Variants in SOX5 observed in about 807,000 individuals in gnomAD.
SOX5 encodes the protein transcription factor SOX-5.
Under a neutral mutation model 92.0 loss-of-function variants are expected in SOX5, and 9 were observed. The observed-to-expected ratio is 0.10, with a 90% CI of 0.06 to 0.17. The LOEUF (loss-of-function observed/expected upper bound fraction) is 0.17, where lower values mean the gene tolerates loss of function less well. Among genes scored for constraint, SOX5 ranks in the 10% least tolerant of loss-of-function variants. The pLI is 1.00. For synonymous variants in SOX5, 344 were observed against 336.3 expected (o/e 1.02, Z -0.25); for missense variants, 642 against 944.5 (o/e 0.68, Z 4.20).
intron 11 of SOX5, among the ~76,000 whole-genome samples, chr12:23,562,542 G>T (rs962692327): frequency 6.6e-6 from 1 of 151,944 alleles, no homozygotes; most frequent in African/African-American, 2.4e-5. Context: ...AAGCGCACTG[G>T]GTAACATTTT....
chr12:24,422,652 T>TTACC (rs1966112014), intron 1 of SOX5, among the ~76,000 whole-genome samples: 1 of 152,176 alleles, frequency 6.6e-6, no homozygotes, highest in Non-Finnish European at 1.5e-5. Flanking sequence ...CTAATGAAAG[T>TTACC]TACCTACATA....
At chr12:23,798,199 T>C (rs1042687706) in intron 3 of SOX5, among the ~76,000 whole-genome samples, 6 of 152,024 alleles carry the variant, frequency 3.9e-5, no homozygotes, top group African/African-American at 1.2e-4. Context: ...TACAAAAACA[T>C]AGGCGTTTCT....
At chr12:23,723,279 T>G (rs562815128) in intron 6 of SOX5, among the ~76,000 whole-genome samples, 1 of 152,060 alleles carries the variant, frequency 6.6e-6, no homozygotes, top group South Asian at 2.1e-4. Flanking sequence ...GAAAACAAAC[T>G]CAATCTTTCC....
At chr12:23,626,769 A>T (rs7962398) in intron 8 of SOX5, among the ~76,000 whole-genome samples, 2 of 150,596 alleles carry the variant, frequency 1.3e-5, no homozygotes, top group South Asian at 4.2e-4. Flanking sequence ...CTTGAGTGCT[A>T]AGTAGGTTAA....
In SOX5 at chr12:23,889,565, G is replaced by T. The variant is rs80092391; in HGVS notation, c.270+6228C>A. ...TCCCAGGAGCTGACAGTGAGCCTGA[G>T]CAAGTAAAAGCCTCTCTATCATGTG... On this transcript the variant is annotated intron_variant, in intron 2 of 14. Coordinates refer to ENST00000451604, the MANE Select transcript of SOX5 (RefSeq NM_006940.6). Among the ~76,000 whole-genome samples, 613 of 152,284 alleles carry T rather than the reference G, an allele frequency of 4.0e-3. 4 individuals are homozygous for T. The highest frequency in any genetic ancestry group is 0.014 in the African/African-American group (576 of 41,558).
chr12:24,446,471 A>G (rs1171100555), intron 1 of SOX5, among the ~76,000 whole-genome samples: 8 of 152,224 alleles, frequency 5.3e-5, no homozygotes, highest in African/African-American at 1.4e-4. Context: ...AAAAATCAGC[A>G]TATGGCTAAA....
intron 3 of SOX5, among the ~76,000 whole-genome samples, chr12:23,786,884 T>C (rs1216433981): frequency 6.9e-6 from 1 of 145,926 alleles, no homozygotes; most frequent in Non-Finnish European, 1.5e-5. Context: ...CATGTTTTTT[T>C]CTTTTTCTGA....
At chr12:23,602,433 A>G (rs1334680821) in intron 9 of SOX5, among the ~76,000 whole-genome samples, 3 of 152,160 alleles carry the variant, frequency 2.0e-5, no homozygotes, top group Non-Finnish European at 4.4e-5. Flanking sequence ...GAGTGAATGG[A>G]CAAATTAGTA....
At chr12:24,203,898 G>C (rs988700640) in intron 4 of SOX5, among the ~76,000 whole-genome samples, 2 of 151,976 alleles carry the variant, frequency 1.3e-5, no homozygotes, top group Non-Finnish European at 2.9e-5. Flanking sequence ...AATATTTCAT[G>C]TGGGGTACCC....
intron 4 of SOX5, among the ~76,000 whole-genome samples, chr12:23,979,063 C>T (rs1410517122): frequency 6.6e-6 from 1 of 152,046 alleles, no homozygotes; most frequent in Admixed American, 6.6e-5. Context: ...AAATAGTAAA[C>T]CTTTTCTTCA....
chr12:24,113,275 A>G, intron 4 of SOX5, among the ~76,000 whole-genome samples: 1 of 142,070 alleles, frequency 7.0e-6, no homozygotes, highest in South Asian at 2.3e-4. Flanking sequence ...AAAAAAAAAG[A>G]GCTAAAAGTG....
chr12:24,052,549 T>C (rs1193555686), intron 4 of SOX5, among the ~76,000 whole-genome samples: 1 of 152,206 alleles, frequency 6.6e-6, no homozygotes, highest in Non-Finnish European at 1.5e-5. Flanking sequence ...TAATTTTGCA[T>C]TACTTGATTT....
At chr12:23,955,136 T>C (rs377708141), upstream of SOX5, among the ~76,000 whole-genome samples, 1 of 152,094 alleles carries the variant, frequency 6.6e-6, no homozygotes, top group Admixed American at 6.5e-5. Flanking sequence ...GCATAGTTTT[T>C]AAAGGCAATG....
intron 3 of SOX5, among the ~76,000 whole-genome samples, chr12:24,245,449 G>C (rs1264225394): frequency 6.6e-6 from 1 of 152,090 alleles, no homozygotes; most frequent in Non-Finnish European, 1.5e-5. Flanking sequence ...CTTATAAACT[G>C]GACAACCTGA....
chr12:24,448,360 GA>G (rs1941795298), intron 1 of SOX5, among the ~76,000 whole-genome samples: 3 of 152,052 alleles, frequency 2.0e-5, no homozygotes, highest in Non-Finnish European at 4.4e-5. Context: ...AAAATGGAGA[GA>G]AAAACTACTG....
intron 3 of SOX5, among the ~76,000 whole-genome samples, chr12:23,796,851 GAC>G (rs1384482419): frequency 6.9e-6 from 1 of 145,482 alleles, no homozygotes; most frequent in Admixed American, 6.9e-5. Flanking sequence ...AAAGCCTTAA[GAC>G]AAAATATATT....
At chr12:24,169,929 G>T (rs11832950) in intron 4 of SOX5, among the ~76,000 whole-genome samples, 3,022 of 152,250 alleles carry the variant, frequency 0.02, 98 homozygotes, top group African/African-American at 0.069. Context: ...AGGGCTGGCG[G>T]AATGAATTCG....
At chr12:24,346,166 T>C (rs945260526) in intron 2 of SOX5, among the ~76,000 whole-genome samples, 1 of 152,216 alleles carries the variant, frequency 6.6e-6, no homozygotes, top group African/African-American at 2.4e-5. Flanking sequence ...AAAACGAACG[T>C]CATCCATGCA....
In SOX5 at chr12:23,533,302, T is replaced by TGTCTC. The variant is rs1386716475; in HGVS notation, c.*912_*916dup. On this transcript the variant is annotated 3_prime_UTR_variant, in exon 15 of 15. Coordinates refer to ENST00000451604, the MANE Select transcript of SOX5 (RefSeq NM_006940.6). ...AAAATATTTTTCTCTAAATTTCTTA[T>TGTCTC]GTCTCTCTCTCTCTCTCTCTTTTCA... 16 of 397,410 alleles carry TGTCTC rather than the reference T, an allele frequency of 4.0e-5. No individual in the cohort carries two copies. The highest frequency in any genetic ancestry group is 7.4e-5 in the Non-Finnish European group (14 of 190,092). The allele number at this position is 397,410 out of a possible 1,614,324, so 24.6% of individuals were successfully genotyped here. A position where few individuals can be genotyped will look rare whatever the true frequency, so the allele number is the denominator to read the frequency against.
Sources: gnomAD v4.1 joint callset for allele counts (sites outside exome capture counted in the v4.1 genomes callset) on GRCh38, gnomAD v4.1.1 for gene constraint, MANE v1.5 for transcripts, NCBI Gene and HGNC (gene_info 2026-07-23, HGNC 2026-07-21) for gene names.